Variants in GRIK1 observed in about 807,000 individuals in gnomAD.
The protein encoded by GRIK1 is glutamate ionotropic receptor kainate type subunit 1.
A neutral mutation model predicts 105.7 loss-of-function variants in GRIK1; 69 were observed. The observed-to-expected ratio is 0.65, with a 90% CI of 0.54 to 0.80. The LOEUF is 0.80. Ranked by LOEUF, GRIK1 falls within the 30% of genes least tolerant of loss-of-function variation. GRIK1 has a pLI of 0.00. For missense variants in GRIK1, 1,109 were observed against 1,167.3 expected, an observed-to-expected ratio of 0.95 and a Z score of 0.73; for synonymous variants, 438 against 431.3, an observed-to-expected ratio of 1.02 and a Z score of -0.19.
At chr21:29,685,581 A>G (rs1290240435) in intron 3 of GRIK1, among the ~76,000 whole-genome samples, 1 of 152,194 alleles carries the variant, frequency 6.6e-6, no homozygotes, top group African/African-American at 2.4e-5. Flanking sequence ...TGTGGCATGC[A>G]ATATTCAATG....
At chr21:29,731,325 C>T (rs893952869) in intron 1 of GRIK1, among the ~76,000 whole-genome samples, 1 of 152,140 alleles carries the variant, frequency 6.6e-6, no homozygotes, top group Non-Finnish European at 1.5e-5. Flanking sequence ...CTTCAGCATC[C>T]CCAAAAAACT....
intron 16 of GRIK1, among the ~76,000 whole-genome samples, chr21:29,544,153 ACAGGGTTACT>A (rs1221652180): frequency 6.6e-6 from 1 of 152,190 alleles, no homozygotes; most frequent in Non-Finnish European, 1.5e-5. Flanking sequence ...TATGAGGGTC[ACAGGGTTACT>A]CCATGACATC....
At position 29,581,576 on chromosome 21, in the gene GRIK1, T is replaced by A. The variant is rs189641369; in HGVS notation, c.1794-33A>T. The A allele has an allele frequency of 3.1e-4, 402 of 1,279,594 alleles. No homozygotes were observed. The African/African-American group carries it at 5.6e-3, about 18-fold the overall frequency. The allele number at this position is 1,279,594 out of a possible 1,614,324, so 79.3% of individuals were successfully genotyped here. A position where few individuals can be genotyped will look rare whatever the true frequency, so the allele number is the denominator to read the frequency against. The stretch of plus-strand genomic sequence containing the variant: ...AGTTAACAGAAACAGTCTGTAAATA[T>A]CAGAGAAACACACAGGACACCAGCA... On this transcript the variant is annotated intron_variant, in intron 12 of 17. Transcript: ENST00000327783.
At chr21:29,688,010 G>A (rs1182828991) in intron 3 of GRIK1, among the ~76,000 whole-genome samples, 1 of 152,118 alleles carries the variant, frequency 6.6e-6, no homozygotes, top group Non-Finnish European at 1.5e-5. Flanking sequence ...GCAAAAGTAG[G>A]CAACATGCAA....
chr21:29,639,578 G>C (rs2062468679), intron 7 of GRIK1, among the ~76,000 whole-genome samples: 1 of 152,204 alleles, frequency 6.6e-6, no homozygotes, highest in Non-Finnish European at 1.5e-5. Context: ...GGAGATGAGA[G>C]AGCTGGCAAA....
At chr21:29,638,186 T>C (rs2062435515) in intron 7 of GRIK1, among the ~76,000 whole-genome samples, 1 of 152,042 alleles carries the variant, frequency 6.6e-6, no homozygotes, top group African/African-American at 2.4e-5. Flanking sequence ...GAGGTTTAAT[T>C]GACTCACTCA....
At chr21:29,785,266 T>TA (rs1301624884) in intron 1 of GRIK1, among the ~76,000 whole-genome samples, 4 of 152,172 alleles carry the variant, frequency 2.6e-5, no homozygotes, top group Non-Finnish European at 5.9e-5. Flanking sequence ...TTTTGACTTT[T>TA]AAAAACGCTA....
At chr21:29,851,590 G>C (rs1422068361) in intron 1 of GRIK1, among the ~76,000 whole-genome samples, 3 of 152,112 alleles carry the variant, frequency 2.0e-5, no homozygotes, top group Admixed American at 6.5e-5. Flanking sequence ...CTTGAGTCCT[G>C]GTTCTGACTC....
chr21:29,843,871 C>A (rs1209713634), intron 1 of GRIK1, among the ~76,000 whole-genome samples: 5 of 152,178 alleles, frequency 3.3e-5, no homozygotes, highest in Non-Finnish European at 7.4e-5. Flanking sequence ...CCTTCTAGAG[C>A]GATGATTCTT....
At chr21:29,906,679 A>C (rs890180389) in intron 1 of GRIK1, among the ~76,000 whole-genome samples, 1 of 152,170 alleles carries the variant, frequency 6.6e-6, no homozygotes. Context: ...GGGGAAATAA[A>C]ATTAAGACAA....
intron 1 of GRIK1, among the ~76,000 whole-genome samples, chr21:29,914,138 T>C (rs1300029560): frequency 6.6e-6 from 1 of 151,944 alleles, no homozygotes; most frequent in East Asian, 1.9e-4. Context: ...GCCTCTTATT[T>C]CTAAATGGCA....
At chr21:29,782,344 C>A (rs1269317198) in intron 1 of GRIK1, among the ~76,000 whole-genome samples, 1 of 152,150 alleles carries the variant, frequency 6.6e-6, no homozygotes, top group East Asian at 1.9e-4. Flanking sequence ...CCTTGGCCTC[C>A]CAAAGTGTTG....
chr21:29,703,433 A>G (rs1369201686), intron 1 of GRIK1, among the ~76,000 whole-genome samples: 1 of 135,446 alleles, frequency 7.4e-6, no homozygotes, highest in Non-Finnish European at 1.5e-5. Context: ...TAAATATACA[A>G]TATTCTATAG....
intron 10 of GRIK1, among the ~76,000 whole-genome samples, chr21:29,589,928 C>A (rs1367772033): frequency 1.3e-5 from 2 of 152,084 alleles, no homozygotes; most frequent in Non-Finnish European, 2.9e-5. Context: ...CTTCTTTTAT[C>A]ATCTTTCCCA....
At chr21:29,714,492 A>G (rs1392626140) in intron 1 of GRIK1, among the ~76,000 whole-genome samples, 1 of 152,166 alleles carries the variant, frequency 6.6e-6, no homozygotes, top group African/African-American at 2.4e-5. Context: ...GATGCAGGAC[A>G]TTTGGTGCTG....
intron 1 of GRIK1, among the ~76,000 whole-genome samples, chr21:29,724,362 G>GC: frequency 7.5e-6 from 1 of 132,592 alleles, no homozygotes; most frequent in Admixed American, 7.6e-5. Context: ...CGATTGTTGG[G>GC]CAACTATCAA....
intron 1 of GRIK1, among the ~76,000 whole-genome samples, chr21:29,935,664 T>C: frequency 6.6e-6 from 1 of 152,210 alleles, no homozygotes; most frequent in East Asian, 1.9e-4. Flanking sequence ...TCACTATAGA[T>C]TTCCACACTA....
At chr21:29,562,710 ATAATTT>A (rs906878567) in intron 14 of GRIK1, among the ~76,000 whole-genome samples, 17 of 147,840 alleles carry the variant, frequency 1.1e-4, no homozygotes, top group African/African-American at 3.9e-4. Flanking sequence ...TTTTATGTGT[ATAATTT>A]TAATTGTAAT....
intron 1 of GRIK1, among the ~76,000 whole-genome samples, chr21:29,740,449 C>T (rs976313030): frequency 8.5e-5 from 13 of 152,140 alleles, no homozygotes; most frequent in Admixed American, 8.5e-4. Context: ...ATCTCCTGAC[C>T]TCATGATCTG....
Sources: gnomAD v4.1 joint callset for allele counts (sites outside exome capture counted in the v4.1 genomes callset) on GRCh38, gnomAD v4.1.1 for gene constraint, MANE v1.5 for transcripts, NCBI Gene and HGNC (gene_info 2026-07-23, HGNC 2026-07-21) for gene names.